CNTNAP1: variants seen among roughly 807,000 people sequenced by gnomAD.
CNTNAP1 encodes contactin associated protein 1.
A neutral mutation model predicts 161.5 loss-of-function variants in CNTNAP1; 80 were observed. The ratio of observed to expected loss-of-function variants is 0.50; its 90% CI spans 0.41 to 0.60. The LOEUF (loss-of-function observed/expected upper bound fraction) is 0.60, where lower values mean the gene tolerates loss of function less well. Ranked by LOEUF, CNTNAP1 falls within the 20% of genes least tolerant of loss-of-function variation. The probability of loss-of-function intolerance (pLI) is 0.00; values close to 1 mark genes in which losing one functional copy is unlikely to be tolerated. For missense variants in CNTNAP1, 1,464 were observed against 1,854.8 expected (o/e 0.79, Z 3.87); for synonymous variants, 695 against 733.1 (o/e 0.95, Z 0.84).
chr17:42,690,610 C>A (rs549807033), intron 12 of CNTNAP1, 129 bp from the exon 13 acceptor site: 1 of 836,676 alleles, frequency 1.2e-6, no homozygotes. Context: ...GTGCCCAGGG[C>A]AGAGGTGGAA....
At chr17:42,684,579 G>A (rs2052980361) in intron 3 of CNTNAP1, among the ~76,000 whole-genome samples, 1 of 152,136 alleles carries the variant, frequency 6.6e-6, no homozygotes, top group Admixed American at 6.5e-5. Context: ...TTACTTTCCA[G>A]AAGTCGAGAT....
chr17:42,687,623 G>A lies in CNTNAP1; in HGVS notation c.1045-97G>A. The A allele has an allele frequency of 6.8e-7, 1 of 1,467,552 alleles. No individual in the cohort carries two copies. The highest frequency in any genetic ancestry group is 1.3e-5 in the South Asian group (1 of 76,580). 90.9% of individuals were successfully genotyped at this position (1,467,552 alleles called of 1,614,324 possible). ...CTCACCCCCGCCAACACCGAAGGAG[G>A]GCGGTGACCAGGGTCTTAGACCGGT... is the stretch of plus-strand genomic sequence containing the variant. On this transcript the variant is annotated intron_variant, in intron 7 of 23. Coordinates refer to ENST00000264638, the MANE Select transcript of CNTNAP1 (RefSeq NM_003632.3). The surrounding 1 kb of genome is among the most constrained non-coding windows in gnomAD (Gnocchi z 4.7).
At position 42,698,710 on chromosome 17, in the gene CNTNAP1, G is replaced by A. The variant is rs752375520; in HGVS notation, c.3955G>A (p.Glu1319Lys). The A allele has an allele frequency of 6.2e-7, 1 of 1,613,436 alleles. No homozygotes were observed. Among genetic ancestry groups the A allele is most frequent in the East Asian group, 2.2e-5 (1 of 44,864 alleles). ...CTATAAGGGCTCCTACCATACCAAT[G>A]AGCCCAAGGCTGCCCACGAGTACCA... ...HRYKGSYHTN[E>K]PKAAHEYHPG... The change falls in exon 24 of 24, where the codon GAG becomes AAG. Residue 1319 changes from glutamate to lysine, a missense_variant. Physicochemically the swap from Glu to Lys is moderately conservative, Grantham distance 56. Transcript: ENST00000264638.
chr17:42,685,303 G>A lies in CNTNAP1; in HGVS notation c.598G>A (p.Ala200Thr). 1 of 1,613,276 alleles carries A rather than the reference G, an allele frequency of 6.2e-7. No individual in the cohort carries two copies. The highest frequency in any genetic ancestry group is 2.2e-5 in the East Asian group (1 of 44,890). Residue 200 changes from alanine to threonine, a missense_variant, in exon 5 of 24, where the codon GCC (alanine) becomes ACC (threonine). Physicochemically the swap from Ala to Thr is moderately conservative, Grantham distance 58. Transcript: ENST00000264638. This position sits in a 1 kb window ranked among gnomAD's most constrained non-coding sequence, Gnocchi z 5.0. ...CAGCCGAAGCCTGTGGGACGTGTTCGCCTTCAGCTTCAAGACCGAGGAGAA... is the reference window on the plus strand; with the variant it reads ...CAGCCGAAGCCTGTGGGACGTGTTCACCTTCAGCTTCAAGACCGAGGAGAA... ...GVSRSLWDVF[A>T]FSFKTEEKDG...
At chr17:42,689,713 G>T (rs1354630091) in intron 11 of CNTNAP1, 86 bp downstream of exon 11, 13 of 1,105,336 alleles carry the variant, frequency 1.2e-5, no homozygotes, top group Non-Finnish European at 1.6e-5. Context: ...TAGAGATGGC[G>T]AGGATGGCCC....
At position 42,690,722 on chromosome 17, in the gene CNTNAP1, C is replaced by G; in HGVS notation, c.1856-17C>G. 6.2e-7 allele frequency: 1 copy of G among 1,610,778 alleles called. No homozygotes were observed. The highest frequency in any genetic ancestry group is 8.5e-7 in the Non-Finnish European group (1 of 1,177,320). Reference sequence around the variant, plus strand: ...TGCCCAACTCCAGCCAAAGCTCTGTCCCCTCTTGTCTGCCAGAGAACCGAG... The same window carrying G: ...TGCCCAACTCCAGCCAAAGCTCTGTGCCCTCTTGTCTGCCAGAGAACCGAG... On this transcript the variant is annotated splice_polypyrimidine_tract_variant and intron_variant, in intron 12 of 23. Transcript: ENST00000264638.
In CNTNAP1 at chr17:42,699,032, C is replaced by T; in HGVS notation, c.*122C>T. Reference sequence around the variant, plus strand: ...CTCTGCTCATCCAGAGGATATTCCCCCATCCCCCCCCCATCAAGTTTGGTG... The same window carrying T: ...CTCTGCTCATCCAGAGGATATTCCCTCATCCCCCCCCCATCAAGTTTGGTG... On this transcript the variant is annotated 3_prime_UTR_variant, in exon 24 of 24. Coordinates refer to ENST00000264638, the MANE Select transcript of CNTNAP1 (RefSeq NM_003632.3). The T allele has an allele frequency of 2.5e-6, 2 of 791,598 alleles. No individual in the cohort carries two copies. Among genetic ancestry groups the T allele is most frequent in the South Asian group, 2.4e-5 (1 of 42,306 alleles). 49.0% of individuals were successfully genotyped at this position (791,598 alleles called of 1,614,324 possible).
In CNTNAP1 at chr17:42,690,773, G is replaced by A. The variant is rs1443329493; in HGVS notation, c.1890G>A (p.Arg630=). The change falls in exon 13 of 24, where the codon AGG becomes AGA. Residue 630 remains arginine, a synonymous_variant. Transcript: ENST00000264638. ...CGTGGACAGTTGTGCGGCATGACAG[G>A]CTGTGGACAACTCGAGTGACAGGTT... The part of the protein sequence containing the change: ...NRAWTVVRHD[R]LWTTRVTGSS... 4.3e-6 allele frequency: 7 copies of A among 1,614,094 alleles called. 1 individual carries two copies. In the South Asian group the frequency reaches 6.6e-5, roughly 15 times the overall value.
Position 42,688,964 on chromosome 17 carries a change from A to G in CNTNAP1, c.1545A>G (p.Gln515=), listed in dbSNP as rs141155776. 1.4e-4 allele frequency: 227 copies of G among 1,613,780 alleles called. No homozygotes were observed. The highest frequency in any genetic ancestry group is 1.8e-4 in the Non-Finnish European group (218 of 1,179,926). ...GCMELLKVDG[Q]LVNLTLVEGR... ...TGGAGCTGCTCAAGGTGGATGGTCA[A>G]CTGGTCAACCTGACTCTGGTGGAGG... Residue 515 remains glutamine, a synonymous_variant, in exon 10 of 24, where the codon CAA becomes CAG. Coordinates refer to ENST00000264638, the MANE Select transcript of CNTNAP1 (RefSeq NM_003632.3).
intron 23 of CNTNAP1, 86 bp from the exon 24 acceptor site, chr17:42,698,528 AGAGT>A: frequency 9.2e-7 from 1 of 1,088,786 alleles, no homozygotes; most frequent in Non-Finnish European, 1.3e-6. Context: ...GAAATCTCAA[AGAGT>A]GCGTGTGTGT....
chr17:42,690,907 TCTC>T lies in CNTNAP1; in HGVS notation c.2027_2029del (p.Ser676del), dbSNP rs2053077887. ...CAGCATTGTGAACAGTGGATCGAGT[TCTC>T]CTGCTACAATTCCCGGCTGCTCAAC... On this transcript the variant is annotated inframe_deletion, in exon 13 of 24. Transcript: ENST00000264638. The T allele has an allele frequency of 1.2e-6, 2 of 1,614,106 alleles. No homozygotes were observed. The highest frequency in any genetic ancestry group is 8.5e-7 in the Non-Finnish European group (1 of 1,180,022).
At chr17:42,683,727 C>A in intron 1 of CNTNAP1, 94 bp from the exon 2 acceptor site, 6 of 1,483,372 alleles carry the variant, frequency 4.0e-6, no homozygotes, top group South Asian at 1.3e-5. Flanking sequence ...GGGTTGGGGG[C>A]ACGGAAGGGG....
At chr17:42,688,812 T>A in intron 9 of CNTNAP1, 64 bp from the exon 10 acceptor site, 2 of 1,583,228 alleles carry the variant, frequency 1.3e-6, no homozygotes, top group East Asian at 2.2e-5. Context: ...CCCCTCAGCA[T>A]GTCCCTGGGG....
At position 42,699,862 on chromosome 17, in the gene CNTNAP1, C is replaced by T. The variant is rs1279246954; in HGVS notation, c.*952C>T. On this transcript the variant is annotated 3_prime_UTR_variant, in exon 24 of 24. Transcript: ENST00000264638. ...TGCCCACAGTCTGTAGTTTGCCTTT[C>T]CTGTGTTGGAAGTGTCGTGAGTCCT... 1 of 152,806 alleles carries T rather than the reference C, an allele frequency of 6.5e-6. No homozygotes were observed. The highest frequency in any genetic ancestry group is 1.5e-5 in the Non-Finnish European group (1 of 68,074). The allele number at this position is 152,806 out of a possible 1,614,324, so 9.5% of individuals were successfully genotyped here.
chr17:42,697,464 G>A, intron 21 of CNTNAP1, 90 bp from the exon 22 acceptor site: 1 of 1,607,714 alleles, frequency 6.2e-7, no homozygotes, highest in South Asian at 1.1e-5. Flanking sequence ...GCTGAGGGCA[G>A]TGGGAAGGAT....
chr17:42,686,440 C>T (rs1024129892), intron 6 of CNTNAP1, among the ~76,000 whole-genome samples: 1 of 146,220 alleles, frequency 6.8e-6, no homozygotes, highest in Non-Finnish European at 1.5e-5. Context: ...CAGCCCTTGG[C>T]AAACTTGCCA....
At chr17:42,697,982 C>T (rs1245945091) in intron 23 of CNTNAP1, 32 bp downstream of exon 23, 2 of 1,612,122 alleles carry the variant, frequency 1.2e-6, no homozygotes, top group South Asian at 1.1e-5. Context: ...GCTGACCTCC[C>T]AAGACTACCC....
chr17:42,691,520 C>G lies in CNTNAP1; in HGVS notation c.2344+9C>G. Reference sequence around the variant, plus strand: ...GCGCTGCTATGGCGATCGTGAGTGGCAGTCCCCTTTTGTGTGCCCTCCCAG... The same window carrying G: ...GCGCTGCTATGGCGATCGTGAGTGGGAGTCCCCTTTTGTGTGCCCTCCCAG... On this transcript the variant is annotated intron_variant, in intron 15 of 23. Transcript: ENST00000264638. The surrounding 1 kb of genome is among the most constrained non-coding windows in gnomAD (Gnocchi z 4.3). 1.2e-6 allele frequency: 2 copies of G among 1,613,788 alleles called. No individual in the cohort carries two copies. The highest frequency in any genetic ancestry group is 2.2e-5 in the South Asian group (2 of 91,038).
rs759670106 is a variant in CNTNAP1, at chr17:42,684,135, C to G, written c.269C>G (p.Ser90Cys). 5.6e-6 allele frequency: 9 copies of G among 1,614,098 alleles called. No homozygotes were observed. The Admixed American group carries it at 8.3e-5, about 15-fold the overall frequency. Reference protein sequence around the residue: ...HRIRAVATQGSFNSWDWVTRY... With the variant: ...HRIRAVATQGCFNSWDWVTRY... ...ATCCGGGCCGTGGCCACACAGGGCT[C>G]CTTTAATTCTTGGGACTGGGTCACA... Residue 90 changes from serine (S) to cysteine (C), a missense_variant, in exon 3 of 24, where the codon TCC (serine) becomes TGC (cysteine). Coordinates refer to ENST00000264638, the MANE Select transcript of CNTNAP1 (RefSeq NM_003632.3).
Sources: allele counts gnomAD v4.1 joint callset (sites outside exome capture counted in the v4.1 genomes callset), GRCh38; gene constraint gnomAD v4.1.1; non-coding constraint Gnocchi (gnomAD v3.1); transcripts MANE v1.5; gene names NCBI Gene and HGNC (gene_info 2026-07-23, HGNC 2026-07-21).